Variants in TACC1 observed in about 807,000 individuals in gnomAD.
TACC1 encodes the protein transforming acidic coiled-coil containing protein 1.
Under a neutral mutation model 84.4 loss-of-function variants are expected in TACC1, and 48 were observed. That is an observed-to-expected ratio of 0.57 (90% CI 0.45 to 0.72). The LOEUF (loss-of-function observed/expected upper bound fraction) is 0.72. Among genes scored for constraint, TACC1 ranks in the 30% least tolerant of loss-of-function variants. The pLI is 0.00. For missense variants in TACC1, 920 were observed against 973.0 expected (o/e 0.95, Z 0.72); for synonymous variants, 372 against 376.3 (o/e 0.99, Z 0.13).
At chr8:38,753,593 T>C (rs1809422524) in intron 3 of TACC1, among the ~76,000 whole-genome samples, 1 of 152,210 alleles carries the variant, frequency 6.6e-6, no homozygotes, top group African/African-American at 2.4e-5. Context: ...GGGTAAGATG[T>C]GTCTGGGGAT....
chr8:38,809,765 G>A (rs372574040), intron 2 of TACC1, among the ~76,000 whole-genome samples: 3 of 152,144 alleles, frequency 2.0e-5, no homozygotes, highest in African/African-American at 7.2e-5. Flanking sequence ...GATGAGTGTG[G>A]GACCTACAGA....
rs750485287 is a variant in TACC1 at position 38,820,014 on chromosome 8, C to T, written c.770C>T (p.Thr257Ile). ...GACACCAACGCTGCTGTGGAGGGCA[C>T]ACCTCTCCCCAAGGCATCCTATCAC... ...FSDTNAAVEG[T>I]PLPKASYHFS... Residue 257 changes from threonine to isoleucine, a missense_variant, in exon 3 of 13, where the codon ACA becomes ATA. Around this residue, in one of 2 missense-constraint regions of TACC1, gnomAD observed 762 missense variants for 747.3 expected, o/e 1.02. Coordinates refer to ENST00000317827, the MANE Select transcript of TACC1 (RefSeq NM_006283.3). 3.1e-6 allele frequency: 5 copies of T among 1,614,030 alleles called. No individual in the cohort carries two copies. The East Asian group carries it at 6.7e-5, about 22-fold the overall frequency.
At chr8:38,813,648 A>G (rs1563710696) in intron 2 of TACC1, among the ~76,000 whole-genome samples, 1 of 152,338 alleles carries the variant, frequency 6.6e-6, no homozygotes, top group East Asian at 1.9e-4. Context: ...TTGCTCAGGT[A>G]GGTCTCTCAT....
chr8:38,806,448 C>CTGTGTG (rs763243623), intron 2 of TACC1, among the ~76,000 whole-genome samples: 7 of 149,984 alleles, frequency 4.7e-5, no homozygotes, highest in Non-Finnish European at 8.9e-5. Flanking sequence ...CATGGTCTGC[C>CTGTGTG]TGTGTGTGTG....
chr8:38,793,308 C>T (rs1006567000), intron 2 of TACC1, among the ~76,000 whole-genome samples: 2 of 152,090 alleles, frequency 1.3e-5, no homozygotes, highest in African/African-American at 2.4e-5. Flanking sequence ...TTGGTAGTCT[C>T]GATCAGAATC....
chr8:38,731,210 A>T (rs570021414), intron 1 of TACC1, among the ~76,000 whole-genome samples: 81 of 152,274 alleles, frequency 5.3e-4, no homozygotes, highest in Non-Finnish European at 1.0e-3. Context: ...AAGTGTCAGG[A>T]TTACAGGCGT....
chr8:38,831,781 C>T (rs1433040151), intron 6 of TACC1, among the ~76,000 whole-genome samples: 1 of 151,992 alleles, frequency 6.6e-6, no homozygotes, highest in African/African-American at 2.4e-5. Context: ...CAGGCATGAG[C>T]CCCTGCACCT....
At chr8:38,820,764 T>C in intron 3 of TACC1, 129 bp downstream of exon 3, 4 of 1,286,348 alleles carry the variant, frequency 3.1e-6, no homozygotes, top group Non-Finnish European at 4.3e-6. Context: ...AAGCTTATAA[T>C]GTTATCCTGC....
chr8:38,761,189 TG>T (rs953969088), intron 3 of TACC1, among the ~76,000 whole-genome samples: 103 of 152,362 alleles, frequency 6.8e-4, no homozygotes, highest in African/African-American at 2.4e-3. Context: ...TGTGTATTTT[TG>T]GCGATGTGGC....
intron 3 of TACC1, 126 bp from the exon 4 acceptor site, chr8:38,825,182 G>A: frequency 1.0e-6 from 1 of 963,854 alleles, no homozygotes; most frequent in South Asian, 1.3e-5. Context: ...CTGCGGCGAT[G>A]TATGATTTGT....
chr8:38,765,161 TTC>T (rs1202597430), intron 3 of TACC1, among the ~76,000 whole-genome samples: 1 of 142,734 alleles, frequency 7.0e-6, no homozygotes, highest in African/African-American at 2.5e-5. Context: ...ATGGCTTTGT[TTC>T]TTTTTTTTTT....
intron 1 of TACC1, among the ~76,000 whole-genome samples, chr8:38,741,818 G>C (rs770302660): frequency 1.3e-5 from 2 of 152,134 alleles, no homozygotes; most frequent in African/African-American, 2.4e-5. Flanking sequence ...CTGGGTCCAA[G>C]ATGTTTGAAT....
intron 2 of TACC1, among the ~76,000 whole-genome samples, chr8:38,744,485 G>A (rs1807688579): frequency 6.6e-6 from 1 of 152,142 alleles, no homozygotes; most frequent in African/African-American, 2.4e-5. Context: ...CATGGAGACT[G>A]GGAAATGCAG....
Position 38,787,398 on chromosome 8 carries a change from C to G in TACC1, c.-185C>G. 7.4e-7 allele frequency: 1 copy of G among 1,354,638 alleles called. No individual in the cohort carries two copies. Among genetic ancestry groups the G allele is most frequent in the Non-Finnish European group, 9.4e-7 (1 of 1,060,464 alleles). The allele number at this position is 1,354,638 out of a possible 1,614,324, so 83.9% of individuals were successfully genotyped here. A position where few individuals can be genotyped will look rare whatever the true frequency, so the allele number is the denominator to read the frequency against. ...GGGGAGGAGGCCGAGGAGGACGCAG[C>G]GCCGGCTGCCGGCGGGAGGAAGCGC... On this transcript the variant is annotated 5_prime_UTR_variant, in exon 1 of 13. Coordinates refer to ENST00000317827, the MANE Select transcript of TACC1 (RefSeq NM_006283.3).
intron 3 of TACC1, among the ~76,000 whole-genome samples, chr8:38,752,718 C>T (rs1477714240): frequency 6.6e-6 from 1 of 152,132 alleles, no homozygotes. Context: ...TTTCATTCTC[C>T]TCCTCCTCCT....
upstream of TACC1, among the ~76,000 whole-genome samples, chr8:38,783,014 G>A (rs1041238159): frequency 6.6e-6 from 1 of 151,508 alleles, no homozygotes; most frequent in African/African-American, 2.4e-5. Context: ...TATTTGATGG[G>A]AATGAGAGAA....
exon 3 of TACC1, chr8:38,745,187 C>A: frequency 3.1e-6 from 1 of 326,072 alleles, no homozygotes; most frequent in Non-Finnish European, 5.6e-6. Flanking sequence ...GACCCACATA[C>A]ACACAAAATA....
At chr8:38,744,239 C>T (rs1807626580) in intron 2 of TACC1, 2 of 152,232 alleles carry the variant, frequency 1.3e-5, no homozygotes, top group Admixed American at 6.5e-5. Flanking sequence ...ATTCATGACA[C>T]TTCCTGGAAG....
At chr8:38,751,952 G>A (rs1489243732) in intron 3 of TACC1, among the ~76,000 whole-genome samples, 9 of 152,080 alleles carry the variant, frequency 5.9e-5, no homozygotes, top group Non-Finnish European at 1.0e-4. Flanking sequence ...ATTACCCACT[G>A]TTATTTTTTT....
Sources: gnomAD v4.1 joint callset for allele counts (sites outside exome capture counted in the v4.1 genomes callset) on GRCh38, gnomAD v4.1.1 for gene constraint, gnomAD v4.1.1 regional missense constraint, MANE v1.5 for transcripts, NCBI Gene and HGNC (gene_info 2026-07-23, HGNC 2026-07-21) for gene names.